Variants in ZRANB3 observed in about 807,000 individuals in gnomAD.
ZRANB3 encodes DNA annealing helicase and endonuclease ZRANB3.
Under a neutral mutation model 133.8 loss-of-function variants are expected in ZRANB3, and 125 were observed. The observed-to-expected ratio is 0.93, with a 90% CI of 0.81 to 1.08. The LOEUF is 1.08. Ranked by LOEUF, ZRANB3 falls within the 50% of genes least tolerant of loss-of-function variation. The probability of loss-of-function intolerance (pLI) is 0.00; values close to 1 mark genes in which losing one functional copy is unlikely to be tolerated. For synonymous variants in ZRANB3, 387 were observed against 432.7 expected, an observed-to-expected ratio of 0.89 and a Z score of 1.31; for missense variants, 1,229 against 1,275.5, an observed-to-expected ratio of 0.96 and a Z score of 0.56.
At chr2:135,433,746 C>T (rs1159361598) in intron 2 of ZRANB3, among the ~76,000 whole-genome samples, 2 of 152,266 alleles carry the variant, frequency 1.3e-5, no homozygotes, top group African/African-American at 4.8e-5. Flanking sequence ...CCTGTAATAC[C>T]GGCACTTTGG....
intron 8 of ZRANB3, among the ~76,000 whole-genome samples, chr2:135,295,115 A>G (rs1238705059): frequency 1.3e-5 from 2 of 151,802 alleles, no homozygotes; most frequent in Admixed American, 6.6e-5. Flanking sequence ...TATTAGGTCC[A>G]CTTGGTGCAG....
chr2:135,353,590 A>C lies in ZRANB3; in HGVS notation c.219T>G (p.Thr73=). 1 of 1,594,066 alleles carries C rather than the reference A, an allele frequency of 6.3e-7. No homozygotes were observed. The highest frequency in any genetic ancestry group is 8.5e-7 in the Non-Finnish European group (1 of 1,169,712). Residue 73 remains threonine (T), a synonymous_variant, in exon 4 of 21, where the codon ACT becomes ACG. Transcript: ENST00000264159. ...LGKTIQAIGI[T]YFYKEEWPLL... Reference sequence around the variant, plus strand: ...GAGGCCATTCCTCTTTATAGAAGTAAGTAATTCCAATTGCCTGGATTGTCT... The same window carrying C: ...GAGGCCATTCCTCTTTATAGAAGTACGTAATTCCAATTGCCTGGATTGTCT...
intron 6 of ZRANB3, among the ~76,000 whole-genome samples, chr2:135,339,951 C>A (rs1684558890): frequency 1.3e-5 from 2 of 152,004 alleles, no homozygotes; most frequent in Non-Finnish European, 2.9e-5. Flanking sequence ...CTTACACAAT[C>A]AAATATATTC....
intron 17 of ZRANB3, among the ~76,000 whole-genome samples, chr2:135,212,560 C>T (rs1454341829): frequency 1.3e-5 from 2 of 152,136 alleles, no homozygotes; most frequent in East Asian, 1.9e-4. Flanking sequence ...AAGAAACAGA[C>T]GAACAAATTC....
intron 6 of ZRANB3, among the ~76,000 whole-genome samples, chr2:135,339,991 T>C: frequency 6.6e-6 from 1 of 152,124 alleles, no homozygotes; most frequent in East Asian, 1.9e-4. Context: ...AACAAAGTTA[T>C]AAAAGAATTC....
chr2:135,501,608 G>C (rs1010239499), intron 2 of ZRANB3, among the ~76,000 whole-genome samples: 1 of 152,052 alleles, frequency 6.6e-6, no homozygotes, highest in Non-Finnish European at 1.5e-5. Flanking sequence ...TCTAATCAAG[G>C]CTCGTGCATT....
At chr2:135,323,237 TG>T (rs1336703703) in intron 6 of ZRANB3, among the ~76,000 whole-genome samples, 1 of 152,150 alleles carries the variant, frequency 6.6e-6, no homozygotes, top group Non-Finnish European at 1.5e-5. Context: ...ATGATAGAAT[TG>T]GGGGAAAATT....
intron 11 of ZRANB3, 130 bp from the exon 12 acceptor site, chr2:135,265,816 G>A (rs895175280): frequency 3.1e-6 from 3 of 958,222 alleles, no homozygotes; most frequent in African/African-American, 1.7e-5. Flanking sequence ...ACATATCATG[G>A]GCTTTAGTAA....
chr2:135,285,997 G>A (rs1256266346), intron 8 of ZRANB3, among the ~76,000 whole-genome samples: 1 of 152,166 alleles, frequency 6.6e-6, no homozygotes, highest in Non-Finnish European at 1.5e-5. Context: ...CTTTGTACTG[G>A]TAACATTGAT....
chr2:135,503,636 T>G (rs546087857), intron 2 of ZRANB3, among the ~76,000 whole-genome samples: 12 of 151,982 alleles, frequency 7.9e-5, no homozygotes, highest in African/African-American at 2.7e-4. Flanking sequence ...CACCCAGAAG[T>G]TGCTAAATCT....
intron 8 of ZRANB3, among the ~76,000 whole-genome samples, chr2:135,279,398 GA>G (rs1680992400): frequency 6.6e-6 from 1 of 152,148 alleles, no homozygotes; most frequent in Non-Finnish European, 1.5e-5. Context: ...TTGGAAAGTG[GA>G]AGTGAAGTAC....
Position 135,342,615 on chromosome 2 carries a change from C to CT in ZRANB3, c.677+2934dup, listed in dbSNP as rs934858827. On this transcript the variant is annotated intron_variant, in intron 6 of 20. Coordinates refer to ENST00000264159, the MANE Select transcript of ZRANB3 (RefSeq NM_032143.4). ...GTGAGTCACTGTGCCCGTCTTTTTT[C>CT]TTTTTTTTTAAGTAAAAAAATTTTT... Among the ~76,000 whole-genome samples, 4 of 147,622 alleles carry CT rather than the reference C, an allele frequency of 2.7e-5. 1 individual carries two copies. Among genetic ancestry groups the CT allele is most frequent in the African/African-American group, 7.8e-5 (3 of 38,234 alleles).
At chr2:135,302,899 C>T (rs957710547) in intron 8 of ZRANB3, among the ~76,000 whole-genome samples, 1 of 152,064 alleles carries the variant, frequency 6.6e-6, no homozygotes, top group African/African-American at 2.4e-5. Context: ...CTTAAGCAAG[C>T]ATTCTGTATT....
At chr2:135,503,667 T>C (rs1427264059) in intron 2 of ZRANB3, among the ~76,000 whole-genome samples, 1 of 151,834 alleles carries the variant, frequency 6.6e-6, no homozygotes, top group Non-Finnish European at 1.5e-5. Context: ...ATAAAAAGAA[T>C]AAGAATACAA....
At chr2:135,451,139 C>G (rs1690249820) in intron 2 of ZRANB3, among the ~76,000 whole-genome samples, 1 of 152,152 alleles carries the variant, frequency 6.6e-6, no homozygotes, top group South Asian at 2.1e-4. Context: ...GTTAAAGAGC[C>G]AGGCCCTAAA....
At chr2:135,416,996 C>G (rs1450352374) in intron 2 of ZRANB3, among the ~76,000 whole-genome samples, 1 of 152,114 alleles carries the variant, frequency 6.6e-6, no homozygotes, top group East Asian at 1.9e-4. Context: ...AGACCTAAAA[C>G]CATAAAAACC....
chr2:135,200,094 C>G lies in ZRANB3; in HGVS notation c.*248G>C. 1 of 555,062 alleles carries G rather than the reference C, an allele frequency of 1.8e-6. No individual in the cohort carries two copies. The highest frequency in any genetic ancestry group is 3.3e-6 in the Non-Finnish European group (1 of 307,538). The allele number at this position is 555,062 out of a possible 1,614,324, so 34.4% of individuals were successfully genotyped here. A position where few individuals can be genotyped will look rare whatever the true frequency, so the allele number is the denominator to read the frequency against. ...GGGTAAAGAGCTTTACAAAACATTGCTGAAACATAATTGCGAGTCTGAATC... is the reference window on the plus strand; with the variant it reads ...GGGTAAAGAGCTTTACAAAACATTGGTGAAACATAATTGCGAGTCTGAATC... On this transcript the variant is annotated 3_prime_UTR_variant, in exon 21 of 21. Coordinates refer to ENST00000264159, the MANE Select transcript of ZRANB3 (RefSeq NM_032143.4).
intron 2 of ZRANB3, among the ~76,000 whole-genome samples, chr2:135,403,487 C>G (rs888093584): frequency 4.6e-5 from 7 of 152,226 alleles, no homozygotes; most frequent in African/African-American, 1.4e-4. Flanking sequence ...CACTGCAGCT[C>G]AAGGAGGCCT....
intron 8 of ZRANB3, among the ~76,000 whole-genome samples, chr2:135,295,450 T>C (rs1176514884): frequency 1.3e-5 from 2 of 152,184 alleles, no homozygotes; most frequent in Non-Finnish European, 2.9e-5. Flanking sequence ...CTCCATCCTT[T>C]TATTTTGAGC....
Sources: gnomAD v4.1 joint callset for allele counts (sites outside exome capture counted in the v4.1 genomes callset) on GRCh38, gnomAD v4.1.1 for gene constraint, MANE v1.5 for transcripts, NCBI Gene and HGNC (gene_info 2026-07-23, HGNC 2026-07-21) for gene names.